Variants in ADAMTS19 observed in about 807,000 individuals in gnomAD.
ADAMTS19 encodes the protein ADAM metallopeptidase with thrombospondin type 1 motif 19, also known as A disintegrin and metalloproteinase with thrombospondin motifs 19.
ADAMTS19 carries 93 observed loss-of-function variants against 153.3 expected under a neutral mutation model. That is an observed-to-expected ratio of 0.61 (90% confidence interval 0.51 to 0.72). ADAMTS19 has a LOEUF of 0.72. ADAMTS19 is among the 30% of genes least tolerant of loss of function. The pLI is 0.00. For missense variants in ADAMTS19, 1,482 were observed against 1,552.1 expected (o/e 0.95, Z 0.76); for synonymous variants, 600 against 556.6 (o/e 1.08, Z -1.10).
At chr5:129,728,551 T>G (rs1203039807) in intron 21 of ADAMTS19, among the ~76,000 whole-genome samples, 1 of 152,106 alleles carries the variant, frequency 6.6e-6, no homozygotes, top group East Asian at 1.9e-4. Flanking sequence ...AAGCCCCCTC[T>G]CTTGGGGTCT....
chr5:129,520,476 GAC>G (rs1202837103), intron 3 of ADAMTS19, among the ~76,000 whole-genome samples: 2 of 152,124 alleles, frequency 1.3e-5, no homozygotes, highest in Non-Finnish European at 2.9e-5. Context: ...AATATGGGAA[GAC>G]ACAATCTTCT....
At chr5:129,556,079 A>G (rs1366883571) in intron 7 of ADAMTS19, among the ~76,000 whole-genome samples, 1 of 152,194 alleles carries the variant, frequency 6.6e-6, no homozygotes, top group Admixed American at 6.6e-5. Flanking sequence ...GAAAAGCTAC[A>G]TGGGGGATAA....
At chr5:129,633,188 A>G (rs1271770647) in intron 10 of ADAMTS19, among the ~76,000 whole-genome samples, 1 of 151,354 alleles carries the variant, frequency 6.6e-6, no homozygotes, top group Non-Finnish European at 1.5e-5. Flanking sequence ...AATTTTACAT[A>G]TTGTATTTTT....
intron 13 of ADAMTS19, 127 bp from the exon 14 acceptor site, chr5:129,654,179 C>T (rs1202246121): frequency 1.1e-6 from 1 of 871,006 alleles, no homozygotes; most frequent in Non-Finnish European, 1.7e-6. Flanking sequence ...TCTACTCTAA[C>T]ATTACATTAC....
chr5:129,662,248 T>C (rs1323846082), intron 15 of ADAMTS19, among the ~76,000 whole-genome samples: 1 of 152,216 alleles, frequency 6.6e-6, no homozygotes, highest in Non-Finnish European at 1.5e-5. Context: ...ATGGGATCTC[T>C]GGTTATAAAA....
At chr5:129,539,681 G>C (rs958704553) in intron 6 of ADAMTS19, among the ~76,000 whole-genome samples, 1 of 151,882 alleles carries the variant, frequency 6.6e-6, no homozygotes, top group African/African-American at 2.4e-5. Context: ...CTAATTTTTT[G>C]CTGTTAGAGA....
rs774992477 is a variant in ADAMTS19 at position 129,638,148 on chromosome 5, T to C, written c.1771-3711T>C. Among the ~76,000 whole-genome samples the C allele has an allele frequency of 1.0e-3, 153 of 152,176 alleles. 2 individuals are homozygous for C. Among genetic ancestry groups the C allele is most frequent in the Non-Finnish European group, 3.2e-4 (22 of 68,038 alleles). On this transcript the variant is annotated intron_variant, in intron 10 of 22. Coordinates refer to ENST00000274487, the MANE Select transcript of ADAMTS19 (RefSeq NM_133638.6). ...GTTAAAAAGAAGAAGTGATGCTCTC[T>C]TTTTCTGTTCTCTAGAAAGTTTCTC...
chr5:129,671,218 G>T (rs1018785399), intron 16 of ADAMTS19, among the ~76,000 whole-genome samples: 1 of 152,074 alleles, frequency 6.6e-6, no homozygotes, highest in African/African-American at 2.4e-5. Context: ...AATAGAAATA[G>T]GAAACACCCA....
At chr5:129,528,214 T>C (rs1467695429) in intron 5 of ADAMTS19, among the ~76,000 whole-genome samples, 1 of 152,056 alleles carries the variant, frequency 6.6e-6, no homozygotes, top group Non-Finnish European at 1.5e-5. Context: ...GTGTTCTACA[T>C]AGAAAATGTT....
intron 11 of ADAMTS19, among the ~76,000 whole-genome samples, chr5:129,646,135 G>T: frequency 6.6e-6 from 1 of 151,462 alleles, no homozygotes; most frequent in Non-Finnish European, 1.5e-5. Flanking sequence ...TGATCCGCCC[G>T]CCTCGGCCTC....
chr5:129,671,446 A>T (rs1177893801), intron 16 of ADAMTS19, among the ~76,000 whole-genome samples: 1 of 152,212 alleles, frequency 6.6e-6, no homozygotes, highest in Admixed American at 6.5e-5. Context: ...CTTGGCAAAT[A>T]GATGCATTTC....
chr5:129,641,832 T>A, intron 10 of ADAMTS19, 27 bp from the exon 11 acceptor site: 1 of 1,463,526 alleles, frequency 6.8e-7, no homozygotes, highest in Non-Finnish European at 9.4e-7. Flanking sequence ...ACCTTCCCCT[T>A]ATTAGTTATT....
intron 13 of ADAMTS19, among the ~76,000 whole-genome samples, chr5:129,652,291 C>T (rs1475643777): frequency 1.3e-5 from 2 of 152,148 alleles, no homozygotes; most frequent in African/African-American, 2.4e-5. Flanking sequence ...TGGAAATACA[C>T]AATTCTTTTA....
At chr5:129,499,877 A>T (rs1751042772) in intron 2 of ADAMTS19, among the ~76,000 whole-genome samples, 2 of 152,162 alleles carry the variant, frequency 1.3e-5, no homozygotes, top group African/African-American at 4.8e-5. Flanking sequence ...CCCTCATTTA[A>T]AAGGCCATTT....
chr5:129,719,620 TTTTCTC>T (rs1756892052), intron 21 of ADAMTS19, among the ~76,000 whole-genome samples: 1 of 152,208 alleles, frequency 6.6e-6, no homozygotes, highest in African/African-American at 2.4e-5. Flanking sequence ...ATATGGAACA[TTTTCTC>T]TAACAGCAGT....
At position 129,735,099 on chromosome 5, in the gene ADAMTS19, A is replaced by T; in HGVS notation, c.3480A>T (p.Ser1160=). ...AAATTAATGTAAATACCATAACATC[A>T]CCCAGACTGGGTAAGCAGACAAAAA... is the stretch of plus-strand genomic sequence containing the variant. ...NEKINVNTIT[S]PRLAALTFKC... Residue 1160 remains serine, a synonymous_variant, in exon 22 of 23, where the codon TCA becomes TCT. Coordinates refer to ENST00000274487, the MANE Select transcript of ADAMTS19 (RefSeq NM_133638.6). The T allele has an allele frequency of 1.3e-6, 2 of 1,585,902 alleles. No homozygotes were observed. Among genetic ancestry groups the T allele is most frequent in the Non-Finnish European group, 1.7e-6 (2 of 1,169,408 alleles).
At chr5:129,523,054 C>CA (rs55963617) in intron 3 of ADAMTS19, among the ~76,000 whole-genome samples, 13,393 of 105,030 alleles carry the variant, frequency 0.13, 1,063 homozygotes, top group African/African-American at 0.24. Flanking sequence ...GACTCCATCT[C>CA]AAAAAAAAAA....
At chr5:129,560,091 T>A (rs1054506924) in intron 7 of ADAMTS19, among the ~76,000 whole-genome samples, 4 of 152,210 alleles carry the variant, frequency 2.6e-5, no homozygotes, top group African/African-American at 9.6e-5. Flanking sequence ...TTTAAGTGAG[T>A]ATAAAATCCC....
intron 2 of ADAMTS19, among the ~76,000 whole-genome samples, chr5:129,465,620 T>G (rs1163720958): frequency 1.3e-5 from 2 of 152,180 alleles, no homozygotes; most frequent in Non-Finnish European, 2.9e-5. Flanking sequence ...AATTAAATAT[T>G]TTTGTGACTC....
Sources: allele counts gnomAD v4.1 joint callset (sites outside exome capture counted in the v4.1 genomes callset), GRCh38; gene constraint gnomAD v4.1.1; transcripts MANE v1.5; gene names NCBI Gene and HGNC (gene_info 2026-07-23, HGNC 2026-07-21).